The following NLRP11 variants were observed in gnomAD, a reference collection of about 807,000 sequenced individuals.
The protein encoded by NLRP11 is NACHT, LRR and PYD domains-containing protein 11.
In NLRP11, 53 loss-of-function variants were observed where a neutral mutation model predicts 79.3. That is an observed-to-expected ratio of 0.67 (90% CI 0.54 to 0.84). The LOEUF is 0.84. Ranked by LOEUF, NLRP11 falls within the 40% of genes least tolerant of loss-of-function variation. The pLI is 0.00. For synonymous variants in NLRP11, 518 were observed against 462.6 expected (o/e 1.12, Z -1.54); for missense variants, 1,264 against 1,255.0 (o/e 1.01, Z -0.11).
intron 3 of NLRP11, 59 bp from the exon 4 acceptor site, chr19:55,808,073 A>C: frequency 1.7e-6 from 2 of 1,162,808 alleles, no homozygotes; most frequent in Non-Finnish European, 2.5e-6. Flanking sequence ...GCAATTTGTA[A>C]AACATGTAAA....
intron 1 of NLRP11, among the ~76,000 whole-genome samples, chr19:55,819,342 A>C (rs1310083239): frequency 6.6e-6 from 1 of 152,134 alleles, no homozygotes; most frequent in Non-Finnish European, 1.5e-5. Flanking sequence ...CCAAAAAAGC[A>C]TGTGTGCAAC....
rs368197446 is a variant in NLRP11 at position 55,809,002 on chromosome 19, C to T, written c.1608G>A (p.Pro536=). 72 of 1,613,944 alleles carry T rather than the reference C, an allele frequency of 4.5e-5. No individual in the cohort carries two copies. The highest frequency in any genetic ancestry group is 1.1e-4 in the African/African-American group (8 of 74,890). ...AAGGCATATGGTGCGTCAACTTTTC[C>T]GGGTCACGGTCCAAATGTTTCATGT... Residue 536 remains proline, a synonymous_variant, in exon 3 of 10, where the codon CCG becomes CCA. Coordinates refer to ENST00000589093, the Ensembl canonical transcript of NLRP11. The surrounding 1 kb of genome is among the most constrained non-coding windows in gnomAD (Gnocchi z 4.5).
intron 5 of NLRP11, among the ~76,000 whole-genome samples, chr19:55,796,958 C>T (rs529776517): frequency 2.0e-5 from 3 of 151,924 alleles, no homozygotes; most frequent in African/African-American, 4.8e-5. Flanking sequence ...CAAAGTGCTG[C>T]GATTACAGGC....
exon 6 of NLRP11, chr19:55,796,192 T>C: frequency 6.2e-7 from 1 of 1,613,938 alleles, no homozygotes; most frequent in Non-Finnish European, 8.5e-7. Flanking sequence ...CTCCCGCCAC[T>C]GATGAGGAGA....
chr19:55,789,764 G>A (rs1990125546), intron 7 of NLRP11, among the ~76,000 whole-genome samples: 1 of 152,194 alleles, frequency 6.6e-6, no homozygotes, highest in South Asian at 2.1e-4. Context: ...TGACATTCAC[G>A]TTTCTGCCTT....
intron 4 of NLRP11, among the ~76,000 whole-genome samples, chr19:55,806,259 C>A (rs1288434293): frequency 6.6e-6 from 1 of 152,198 alleles, no homozygotes; most frequent in Non-Finnish European, 1.5e-5. Flanking sequence ...ACATGAACGA[C>A]ACCCACATTT....
At position 55,809,607 on chromosome 19, in the gene NLRP11, G is replaced by C. The variant is rs150151613; in HGVS notation, c.1003C>G (p.Leu335Val). 147 of 1,614,094 alleles carry C rather than the reference G, an allele frequency of 9.1e-5. No individual in the cohort carries two copies. In the African/African-American group the frequency reaches 1.8e-3, roughly 20 times the overall value. Residue 335 changes from leucine to valine, a missense_variant, in exon 3 of 10, where the codon CTG becomes GTG. By Grantham distance (32) the Leu-to-Val change is conservative (BLOSUM62 1). Coordinates refer to ENST00000589093, the Ensembl canonical transcript of NLRP11. The surrounding 1 kb of genome is among the most constrained non-coding windows in gnomAD (Gnocchi z 4.5). ...CAGCATAAGATGGCGACTCGGCACA[G>C]ACCCACGAGTATTTCATCCTCATGT...
chr19:55,827,489 T>C (rs1473426781), intron 1 of NLRP11, among the ~76,000 whole-genome samples: 2 of 150,294 alleles, frequency 1.3e-5, no homozygotes, highest in African/African-American at 4.9e-5. Context: ...ACCTACAAAA[T>C]GGGAGAAAAT....
At chr19:55,833,072 T>G (rs1340251432), upstream of NLRP11, among the ~76,000 whole-genome samples, 3 of 152,130 alleles carry the variant, frequency 2.0e-5, no homozygotes, top group Non-Finnish European at 4.4e-5. Context: ...AAAAAAAAAC[T>G]AATTGGAATT....
intron 4 of NLRP11, among the ~76,000 whole-genome samples, chr19:55,804,789 G>A (rs1007357430): frequency 2.0e-5 from 3 of 150,052 alleles, no homozygotes; most frequent in East Asian, 4.0e-4. Context: ...TCACGGCTGG[G>A]TGCGGTGGCT....
At chr19:55,835,696 G>A (rs1431599513), upstream of NLRP11, among the ~76,000 whole-genome samples, 3 of 138,130 alleles carry the variant, frequency 2.2e-5, no homozygotes, top group African/African-American at 8.4e-5. Context: ...ACAAAAATTA[G>A]CCGAGGCCAG....
chr19:55,817,075 G>T (rs11672562), intron 2 of NLRP11, among the ~76,000 whole-genome samples: 4 of 151,642 alleles, frequency 2.6e-5, no homozygotes, highest in African/African-American at 9.7e-5. Context: ...AAATGAATAT[G>T]AAAAAAATGC....
intron 1 of NLRP11, among the ~76,000 whole-genome samples, chr19:55,828,119 A>G (rs1254916180): frequency 6.6e-6 from 1 of 151,050 alleles, no homozygotes; most frequent in East Asian, 1.9e-4. Flanking sequence ...CTTTGTAGGG[A>G]CATGGATGAA....
intron 1 of NLRP11, among the ~76,000 whole-genome samples, chr19:55,821,245 A>G (rs936176770): frequency 8.3e-6 from 1 of 119,780 alleles, no homozygotes; most frequent in African/African-American, 3.1e-5. Context: ...ACACACACAC[A>G]CACACCCCAA....
intron 5 of NLRP11, among the ~76,000 whole-genome samples, chr19:55,800,303 T>TATTC (rs1979351848): frequency 6.6e-6 from 1 of 152,266 alleles, no homozygotes; most frequent in Admixed American, 6.5e-5. Context: ...TGGAATTTAT[T>TATTC]ATTCATTTAT....
chr19:55,823,338 C>G (rs1172011954), intron 1 of NLRP11, among the ~76,000 whole-genome samples: 3 of 135,264 alleles, frequency 2.2e-5, no homozygotes, highest in African/African-American at 3.1e-5. Flanking sequence ...AAACTGGAAA[C>G]TCTAAAACGC....
Position 55,809,598 on chromosome 19 carries a change from C to T in NLRP11, c.1012G>A (p.Val338Ile). The change falls in exon 3 of 10, where the codon GTC becomes ATC. Residue 338 changes from valine to isoleucine, a missense_variant. Coordinates refer to ENST00000589093, the Ensembl canonical transcript of NLRP11. This position sits in a 1 kb window ranked among gnomAD's most constrained non-coding sequence, Gnocchi z 4.5. The stretch of plus-strand genomic sequence containing the variant: ...CACGTGATCCAGCATAAGATGGCGA[C>T]TCGGCACAGACCCACGAGTATTTCA... 1 of 1,614,212 alleles carries T rather than the reference C, an allele frequency of 6.2e-7. No individual in the cohort carries two copies. The highest frequency in any genetic ancestry group is 8.5e-7 in the Non-Finnish European group (1 of 1,180,042).
intron 6 of NLRP11, among the ~76,000 whole-genome samples, chr19:55,794,064 A>G (rs1334669354): frequency 6.6e-6 from 1 of 152,232 alleles, no homozygotes; most frequent in Admixed American, 6.5e-5. Context: ...ACCAAAACAA[A>G]TATTTTTTGC....
upstream of NLRP11, among the ~76,000 whole-genome samples, chr19:55,833,931 T>C (rs1481035851): frequency 6.6e-6 from 1 of 151,012 alleles, no homozygotes; most frequent in South Asian, 2.1e-4. Flanking sequence ...ATGGAGCTGG[T>C]GCCATTTGTA....
Sources: allele counts gnomAD v4.1 joint callset (sites outside exome capture counted in the v4.1 genomes callset), GRCh38; gene constraint gnomAD v4.1.1; non-coding constraint Gnocchi (gnomAD v3.1); transcripts MANE v1.5; gene names NCBI Gene and HGNC (gene_info 2026-07-23, HGNC 2026-07-21).